Variants in CDIN1 observed in about 807,000 individuals in gnomAD.
CDIN1 encodes CDAN1 interacting nuclease 1.
A neutral mutation model predicts 45.3 loss-of-function variants in CDIN1; 33 were observed. The ratio of observed to expected loss-of-function variants is 0.73; its 90% CI spans 0.55 to 0.97. CDIN1 has a LOEUF of 0.97. CDIN1 is among the 50% of genes least tolerant of loss of function. CDIN1 has a pLI of 0.00. For missense variants in CDIN1, 303 were observed against 339.4 expected, an observed-to-expected ratio of 0.89 and a Z score of 0.84; for synonymous variants, 118 against 124.4, an observed-to-expected ratio of 0.95 and a Z score of 0.34.
chr15:36,583,302 G>A (rs537621537), intron 1 of CDIN1, among the ~76,000 whole-genome samples: 2 of 152,012 alleles, frequency 1.3e-5, no homozygotes, highest in Admixed American at 6.5e-5. Flanking sequence ...ATTTATTTTA[G>A]TAAATGCTGA....
At chr15:36,615,690 GCA>G (rs2038855787) in intron 1 of CDIN1, among the ~76,000 whole-genome samples, 1 of 152,160 alleles carries the variant, frequency 6.6e-6, no homozygotes, top group Non-Finnish European at 1.5e-5. Context: ...CCCTGAAACA[GCA>G]GTGCGAGTCC....
At chr15:36,587,052 G>T (rs1199773186) in intron 1 of CDIN1, among the ~76,000 whole-genome samples, 1 of 152,110 alleles carries the variant, frequency 6.6e-6, no homozygotes, top group South Asian at 2.1e-4. Flanking sequence ...CCATATATTG[G>T]TTATTTAGTC....
intron 1 of CDIN1, among the ~76,000 whole-genome samples, chr15:36,591,554 T>C (rs535899335): frequency 8.1e-4 from 124 of 152,306 alleles, no homozygotes; most frequent in Non-Finnish European, 1.6e-3. Context: ...AACTAAAATA[T>C]ATAAAGATAA....
At chr15:36,768,773 G>A (rs1259134533) in intron 10 of CDIN1, among the ~76,000 whole-genome samples, 1 of 152,140 alleles carries the variant, frequency 6.6e-6, no homozygotes, top group African/African-American at 2.4e-5. Context: ...TGGAATCCAG[G>A]CTTTGGCTGG....
intron 10 of CDIN1, among the ~76,000 whole-genome samples, chr15:36,764,051 G>C (rs1383929352): frequency 6.6e-6 from 1 of 152,140 alleles, no homozygotes; most frequent in African/African-American, 2.4e-5. Context: ...AAGAAGATTG[G>C]GGGTGGAGGA....
chr15:36,733,965 C>A (rs2043922977), intron 10 of CDIN1, among the ~76,000 whole-genome samples: 1 of 151,984 alleles, frequency 6.6e-6, no homozygotes, highest in African/African-American at 2.4e-5. Flanking sequence ...TATAAAACTT[C>A]ATGTTAATAT....
At chr15:36,754,909 A>G (rs1033385937) in intron 10 of CDIN1, among the ~76,000 whole-genome samples, 1 of 150,800 alleles carries the variant, frequency 6.6e-6, no homozygotes, top group Non-Finnish European at 1.5e-5. Flanking sequence ...TTTTCTACCA[A>G]AAAAAAGGCC....
Position 36,663,054 on chromosome 15 carries a change from C to G in CDIN1, c.346+5149C>G, listed in dbSNP as rs918190235. 2.0e-5 allele frequency among the ~76,000 whole-genome samples: 3 copies of G among 152,018 alleles called. No homozygotes were observed. The East Asian group carries it at 5.8e-4, about 29-fold the overall frequency. ...TCTGTGCCTTTAGAGGTAAAAACAT[C>G]TCTTTGAAAGGAATCAAAGAAGAGA... is the stretch of plus-strand genomic sequence containing the variant. On this transcript the variant is annotated intron_variant, in intron 5 of 10. Coordinates refer to ENST00000566621, the MANE Select transcript of CDIN1 (RefSeq NM_001321759.2).
intron 1 of CDIN1, among the ~76,000 whole-genome samples, chr15:36,628,526 G>T (rs1202493828): frequency 1.3e-5 from 2 of 152,058 alleles, no homozygotes; most frequent in African/African-American, 4.8e-5. Context: ...ATCTAGAAGT[G>T]CCTCAGGATA....
intron 10 of CDIN1, among the ~76,000 whole-genome samples, chr15:36,774,218 A>G (rs2054161555): frequency 6.6e-6 from 1 of 151,720 alleles, no homozygotes; most frequent in Admixed American, 6.6e-5. Flanking sequence ...AGGTTACTAG[A>G]GACAGGATTT....
At chr15:36,591,462 G>C (rs2037569887) in intron 1 of CDIN1, among the ~76,000 whole-genome samples, 1 of 152,188 alleles carries the variant, frequency 6.6e-6, no homozygotes, top group Non-Finnish European at 1.5e-5. Context: ...CTTCCAGCCT[G>C]TATGTAACAG....
intron 10 of CDIN1, among the ~76,000 whole-genome samples, chr15:36,770,912 T>C (rs780886154): frequency 3.3e-5 from 5 of 152,216 alleles, no homozygotes; most frequent in Non-Finnish European, 5.9e-5. Flanking sequence ...TGCCACATTA[T>C]GTGAATGAGC....
intron 1 of CDIN1, among the ~76,000 whole-genome samples, chr15:36,597,545 T>G (rs2037896143): frequency 6.6e-6 from 1 of 152,248 alleles, no homozygotes; most frequent in African/African-American, 2.4e-5. Context: ...TGCATTAAAC[T>G]GAGCAAGATT....
chr15:36,657,425 G>A (rs2140465493), intron 4 of CDIN1, among the ~76,000 whole-genome samples: 1 of 151,952 alleles, frequency 6.6e-6, no homozygotes, highest in South Asian at 2.1e-4. Flanking sequence ...TAACAAAAAG[G>A]GCTTATTATT....
At chr15:36,702,852 C>A (rs550260253) in intron 8 of CDIN1, among the ~76,000 whole-genome samples, 1 of 152,024 alleles carries the variant, frequency 6.6e-6, no homozygotes, top group South Asian at 2.1e-4. Context: ...TTTGTTTAAT[C>A]CTTAGAGTTT....
intron 10 of CDIN1, among the ~76,000 whole-genome samples, chr15:36,770,527 C>T (rs1330258013): frequency 6.6e-6 from 1 of 152,064 alleles, no homozygotes; most frequent in Non-Finnish European, 1.5e-5. Context: ...CCACTCACTG[C>T]AACCTCTCCC....
At chr15:36,663,442 A>G (rs1462859340) in intron 5 of CDIN1, among the ~76,000 whole-genome samples, 2 of 152,084 alleles carry the variant, frequency 1.3e-5, no homozygotes, top group Non-Finnish European at 1.5e-5. Flanking sequence ...CGTAATCCCC[A>G]CGTGTTGTGG....
At chr15:36,700,593 A>T (rs1459969616) in intron 8 of CDIN1, among the ~76,000 whole-genome samples, 1 of 151,344 alleles carries the variant, frequency 6.6e-6, no homozygotes, top group Non-Finnish European at 1.5e-5. Flanking sequence ...GCCACAGTAT[A>T]TATCTAGGAT....
chr15:36,581,366 T>C (rs1210527255), intron 1 of CDIN1, among the ~76,000 whole-genome samples: 1 of 152,226 alleles, frequency 6.6e-6, no homozygotes, highest in African/African-American at 2.4e-5. Flanking sequence ...CCTTGTCTTC[T>C]CTATAATAAG....
Sources: gnomAD v4.1 joint callset for allele counts (sites outside exome capture counted in the v4.1 genomes callset) on GRCh38, gnomAD v4.1.1 for gene constraint, MANE v1.5 for transcripts, NCBI Gene and HGNC (gene_info 2026-07-23, HGNC 2026-07-21) for gene names.